INSL6: variants seen among roughly 807,000 people sequenced by gnomAD.
INSL6 encodes insulin like 6, also known as insulin-like peptide INSL6.
INSL6 carries 16 observed loss-of-function variants against 9.4 expected under a neutral mutation model. That is an observed-to-expected ratio of 1.70 (90% CI 1.15 to 2.59). The LOEUF is 2.59. Ranked by LOEUF, INSL6 falls within the 30% of genes most tolerant of loss-of-function variation. The probability of loss-of-function intolerance (pLI) is 0.00; values close to 1 mark genes in which losing one functional copy is unlikely to be tolerated. For missense variants in INSL6, 391 were observed against 257.3 expected (o/e 1.52, Z -3.56); for synonymous variants, 154 against 96.9 (o/e 1.59, Z -3.46).
At chr9:5,046,827 G>A in the INSL6 span, among the ~76,000 whole-genome samples, 5 of 152,132 alleles carry the variant, frequency 3.3e-5, no homozygotes, top group African/African-American at 1.2e-4. Flanking sequence ...ACTTTCTGTT[G>A]CTTTTACGGG....
chr9:5,089,936 T>A, the INSL6 span: 1 of 1,044,540 alleles, frequency 9.6e-7, no homozygotes. Flanking sequence ...AAATGTACAA[T>A]GTCTTAACGA....
the INSL6 span, among the ~76,000 whole-genome samples, chr9:5,101,263 G>A: frequency 2.0e-4 from 30 of 152,344 alleles, no homozygotes; most frequent in African/African-American, 6.7e-4. Flanking sequence ...CCACACCCAC[G>A]GAGCCCTGCT....
At chr9:5,058,854 T>G in the INSL6 span, among the ~76,000 whole-genome samples, 2 of 152,206 alleles carry the variant, frequency 1.3e-5, no homozygotes, top group African/African-American at 4.8e-5. Context: ...GAAATATATA[T>G]TCAAGTCCTT....
intron 1 of INSL6, among the ~76,000 whole-genome samples, chr9:5,180,006 GA>G (rs2130921299): frequency 6.6e-6 from 1 of 151,986 alleles, no homozygotes; most frequent in East Asian, 1.9e-4. Flanking sequence ...CTTAGAAGGT[GA>G]AGCAAAAAAA....
intron 2 of INSL6, among the ~76,000 whole-genome samples, chr9:5,146,178 C>G (rs757499793): frequency 6.6e-6 from 1 of 151,880 alleles, no homozygotes; most frequent in Non-Finnish European, 1.5e-5. Context: ...ATAAAGTGAA[C>G]TCAGCGAATT....
intron 2 of INSL6, among the ~76,000 whole-genome samples, chr9:5,144,688 TCC>T (rs1329164030): frequency 6.6e-6 from 1 of 152,204 alleles, no homozygotes; most frequent in Non-Finnish European, 1.5e-5. Context: ...TTAGGATAGT[TCC>T]ATTTTCTTGT....
chr9:5,087,209 A>G, the INSL6 span, among the ~76,000 whole-genome samples: 4 of 152,340 alleles, frequency 2.6e-5, no homozygotes, highest in Admixed American at 6.5e-5. Context: ...ACAGTTACCC[A>G]TGGCTGGGGA....
In INSL6 at chr9:5,185,471, G is replaced by C; in HGVS notation, c.132C>G (p.Leu44=). ...GRYLVKEIEK[L]CGHANWSQFR... ...ACTGGCTCCAGTTGGCATGGCCGCA[G>C]AGTTTTTCTATTTCTTTCACCAAGT... Residue 44 remains leucine, a synonymous_variant, in exon 1 of 2, where the codon CTC becomes CTG. Transcript: ENST00000381641. The C allele has an allele frequency of 6.2e-7, 1 of 1,614,160 alleles. No individual in the cohort carries two copies. The highest frequency in any genetic ancestry group is 8.5e-7 in the Non-Finnish European group (1 of 1,180,036).
At chr9:5,106,388 C>G in the INSL6 span, among the ~76,000 whole-genome samples, 910 of 152,248 alleles carry the variant, frequency 6.0e-3, 9 homozygotes, top group African/African-American at 0.021. Context: ...ATTAAAAAGA[C>G]AGGAAACAAC....
intron 3 of INSL6, chr9:5,126,676 C>T: frequency 1.3e-6 from 2 of 1,587,056 alleles, no homozygotes; most frequent in Non-Finnish European, 1.7e-6. Flanking sequence ...TTATTTTCTC[C>T]TTTACAGATC....
chr9:5,081,175 T>G, the INSL6 span, among the ~76,000 whole-genome samples: 1 of 151,956 alleles, frequency 6.6e-6, no homozygotes, highest in African/African-American at 2.4e-5. Context: ...GATTACAGGC[T>G]TGAGCCACCG....
At chr9:4,998,741 C>CA in the INSL6 span, among the ~76,000 whole-genome samples, 322 of 143,686 alleles carry the variant, frequency 2.2e-3, 2 homozygotes, top group East Asian at 0.01. Context: ...CCACAAAAAA[C>CA]AAAAAAAAAA....
chr9:5,021,430 T>G, the INSL6 span, among the ~76,000 whole-genome samples: 1 of 152,122 alleles, frequency 6.6e-6, no homozygotes, highest in Non-Finnish European at 1.5e-5. Context: ...CGTCCTCAAT[T>G]AGGTTGTTAA....
At chr9:5,035,258 A>G in the INSL6 span, among the ~76,000 whole-genome samples, 2 of 152,258 alleles carry the variant, frequency 1.3e-5, no homozygotes, top group African/African-American at 4.8e-5. Context: ...ACCAACCAAA[A>G]AAAGTCCAGG....
intron 3 of INSL6, chr9:5,126,696 A>G: frequency 6.2e-7 from 1 of 1,608,356 alleles, no homozygotes; most frequent in South Asian, 1.1e-5. Context: ...CTATATGATC[A>G]TGACAGAATG....
chr9:5,042,466 CTA>C, the INSL6 span, among the ~76,000 whole-genome samples: 1 of 152,180 alleles, frequency 6.6e-6, no homozygotes, highest in Admixed American at 6.5e-5. Flanking sequence ...ACACCTGTGT[CTA>C]GTCCTCCCCT....
At chr9:5,070,753 C>G in the INSL6 span, among the ~76,000 whole-genome samples, 2 of 151,908 alleles carry the variant, frequency 1.3e-5, no homozygotes, top group African/African-American at 4.8e-5. Context: ...CTGTGCAGTC[C>G]AAACCCATGC....
At chr9:5,023,653 G>A in the INSL6 span, among the ~76,000 whole-genome samples, 5 of 152,210 alleles carry the variant, frequency 3.3e-5, no homozygotes, top group East Asian at 3.9e-4. Context: ...TGCCAATCCC[G>A]GCTGGGCAGG....
At chr9:5,127,315 T>C (rs771769670) in intron 3 of INSL6, 2 of 232,166 alleles carry the variant, frequency 8.6e-6, no homozygotes, top group Admixed American at 5.6e-5. Flanking sequence ...GTTCAGATAA[T>C]TGAATAAGTA....
Sources: gnomAD v4.1 joint callset for allele counts (sites outside exome capture counted in the v4.1 genomes callset) on GRCh38, gnomAD v4.1.1 for gene constraint, MANE v1.5 for transcripts, NCBI Gene and HGNC (gene_info 2026-07-23, HGNC 2026-07-21) for gene names.